FAR1: variants seen among roughly 807,000 people sequenced by gnomAD.
FAR1 encodes the protein male sterility domain-containing protein 2.
A neutral mutation model predicts 61.1 loss-of-function variants in FAR1; 22 were observed. The ratio of observed to expected loss-of-function variants is 0.36; its 90% CI spans 0.26 to 0.51. The LOEUF (loss-of-function observed/expected upper bound fraction) is 0.51, where lower values mean the gene tolerates loss of function less well. Among genes scored for constraint, FAR1 ranks in the 20% least tolerant of loss-of-function variants. The probability of loss-of-function intolerance (pLI) is 0.95; values close to 1 mark genes in which losing one functional copy is unlikely to be tolerated. For synonymous variants in FAR1, 206 were observed against 209.7 expected (o/e 0.98, Z 0.15); for missense variants, 359 against 626.9 (o/e 0.57, Z 4.56).
At chr11:13,678,146 ATAC>A (rs2134168254) in intron 1 of FAR1, among the ~76,000 whole-genome samples, 2 of 152,360 alleles carry the variant, frequency 1.3e-5, no homozygotes, top group East Asian at 3.9e-4. Flanking sequence ...GCAACTGGAT[ATAC>A]TAGTGGAATA....
At chr11:13,693,360 TTTTG>T (rs1156560521) in intron 1 of FAR1, among the ~76,000 whole-genome samples, 2 of 145,008 alleles carry the variant, frequency 1.4e-5, no homozygotes, top group Admixed American at 6.7e-5. Context: ...TGCTTTTTTC[TTTTG>T]TTTGTTTTTG....
Position 13,707,930 on chromosome 11 carries a change from G to C in FAR1, c.396G>C (p.Thr132=). The change falls in exon 4 of 12, where the codon ACG becomes ACC. Residue 132 remains threonine, a synonymous_variant. Transcript: ENST00000354817. ...CTGTTCAGTTAAATGTGATTGCAAC[G>C]CGACAGCTTATTCTCCTTGCACAAC... ...RDAVQLNVIA[T]RQLILLAQQM... 1 of 1,586,470 alleles carries C rather than the reference G, an allele frequency of 6.3e-7. No individual in the cohort carries two copies. Among genetic ancestry groups the C allele is most frequent in the Middle Eastern group, 1.7e-4 (1 of 5,972 alleles).
At chr11:13,727,125 G>A (rs933857913) in intron 10 of FAR1, among the ~76,000 whole-genome samples, 4 of 151,856 alleles carry the variant, frequency 2.6e-5, no homozygotes, top group Non-Finnish European at 5.9e-5. Context: ...TTTTCATAAC[G>A]CATCTTGATG....
intron 10 of FAR1, among the ~76,000 whole-genome samples, chr11:13,723,696 A>T (rs1591272990): frequency 6.6e-6 from 1 of 152,112 alleles, no homozygotes; most frequent in Non-Finnish European, 1.5e-5. Flanking sequence ...TGTATGTTAG[A>T]TTATTCTGTT....
chr11:13,674,771 A>C (rs1848047724), intron 1 of FAR1, among the ~76,000 whole-genome samples: 1 of 152,232 alleles, frequency 6.6e-6, no homozygotes, highest in African/African-American at 2.4e-5. Flanking sequence ...AAGATGTTGA[A>C]GTTTCATTGA....
At chr11:13,701,508 GA>G (rs1848374460) in intron 3 of FAR1, among the ~76,000 whole-genome samples, 1 of 152,078 alleles carries the variant, frequency 6.6e-6, no homozygotes, top group Non-Finnish European at 1.5e-5. Flanking sequence ...GCAACATAAT[GA>G]GACCCTGTCT....
At position 13,694,919 on chromosome 11, in the gene FAR1, C is replaced by T. The variant is rs1848291225; in HGVS notation, c.154C>T (p.Pro52Ser). The T allele has an allele frequency of 6.2e-7, 1 of 1,613,086 alleles. No homozygotes were observed. Among genetic ancestry groups the T allele is most frequent in the African/African-American group, 1.3e-5 (1 of 74,846 alleles). The change falls in exon 2 of 12, where the codon CCA (proline) becomes TCA (serine). Residue 52 changes from proline (P) to serine (S), a missense_variant. By Grantham distance (74) the Pro-to-Ser change is moderately conservative (BLOSUM62 -1). Coordinates refer to ENST00000354817, the MANE Select transcript of FAR1 (RefSeq NM_032228.6). Reference sequence around the variant, plus strand: ...GGTGAGGCAGAAAGCTGGACAGACACCACAAGAGCGAGTGGAAGAAGTCCT... The same window carrying T: ...GGTGAGGCAGAAAGCTGGACAGACATCACAAGAGCGAGTGGAAGAAGTCCT... Reference protein sequence around the residue: ...VLVRQKAGQTPQERVEEVLSG... With the variant: ...VLVRQKAGQTSQERVEEVLSG...
chr11:13,722,858 C>CTATATA (rs71041542), intron 10 of FAR1, among the ~76,000 whole-genome samples: 5 of 147,812 alleles, frequency 3.4e-5, no homozygotes, highest in African/African-American at 1.3e-4. Flanking sequence ...CTCTCTCTCT[C>CTATATA]TATATATATA....
intron 8 of FAR1, 107 bp from the exon 9 acceptor site, chr11:13,714,402 C>CT: frequency 8.7e-7 from 1 of 1,147,814 alleles, no homozygotes; most frequent in Non-Finnish European, 1.2e-6. Context: ...TGTACGAACT[C>CT]TGACATCTTT....
At chr11:13,707,218 A>G (rs898169783) in intron 3 of FAR1, among the ~76,000 whole-genome samples, 3 of 152,128 alleles carry the variant, frequency 2.0e-5, no homozygotes, top group African/African-American at 7.2e-5. Context: ...CTGCATATAT[A>G]CTTTTGCTTT....
chr11:13,713,211 C>T, intron 8 of FAR1, 178 bp downstream of exon 8: 1 of 610,008 alleles, frequency 1.6e-6, no homozygotes, highest in Non-Finnish European at 2.9e-6. Context: ...AATAATGTTT[C>T]ACAAATTTAA....
intron 1 of FAR1, among the ~76,000 whole-genome samples, chr11:13,682,177 C>A (rs1054677106): frequency 3.9e-5 from 6 of 152,130 alleles, no homozygotes; most frequent in Non-Finnish European, 7.3e-5. Context: ...TTGTTTTGTT[C>A]ATGAAGATAT....
chr11:13,719,432 C>G (rs1296946653), intron 9 of FAR1, among the ~76,000 whole-genome samples: 1 of 152,016 alleles, frequency 6.6e-6, no homozygotes, highest in Non-Finnish European at 1.5e-5. Flanking sequence ...GACTTTACAC[C>G]TTATATTGGG....
intron 1 of FAR1, among the ~76,000 whole-genome samples, chr11:13,691,644 G>T (rs1363838265): frequency 6.6e-6 from 1 of 152,132 alleles, no homozygotes; most frequent in Non-Finnish European, 1.5e-5. Context: ...TTTTGTGTCT[G>T]ACTTCTTTCA....
chr11:13,680,524 C>T (rs1848116252), intron 1 of FAR1, among the ~76,000 whole-genome samples: 1 of 152,122 alleles, frequency 6.6e-6, no homozygotes, highest in African/African-American at 2.4e-5. Flanking sequence ...GTACAAGAAG[C>T]ACGGCATCAG....
At position 13,721,534 on chromosome 11, in the gene FAR1, C is replaced by T. The variant is rs1848609727; in HGVS notation, c.1128-196C>T. 1 of 472,086 alleles carries T rather than the reference C, an allele frequency of 2.1e-6. No homozygotes were observed. Among genetic ancestry groups the T allele is most frequent in the Non-Finnish European group, 3.6e-6 (1 of 275,046 alleles). The allele number at this position is 472,086 out of a possible 1,614,324, so 29.2% of individuals were successfully genotyped here. ...CTGCTTTCAAAAAAAATTTGTTTTC[C>T]TTTTGGATTTATAAATTGTTCATCC... On this transcript the variant is annotated intron_variant, in intron 9 of 11. Coordinates refer to ENST00000354817, the MANE Select transcript of FAR1 (RefSeq NM_032228.6). The surrounding 1 kb of genome is among the most constrained non-coding windows in gnomAD (Gnocchi z 4.2).
intron 3 of FAR1, among the ~76,000 whole-genome samples, chr11:13,707,343 T>TTG (rs1224938641): frequency 6.6e-6 from 1 of 152,158 alleles, no homozygotes; most frequent in African/African-American, 2.4e-5. Context: ...CCTTTGAATT[T>TTG]TGTAGGGTAG....
intron 9 of FAR1, among the ~76,000 whole-genome samples, chr11:13,719,556 C>A (rs1363715020): frequency 6.6e-6 from 1 of 152,044 alleles, no homozygotes; most frequent in Non-Finnish European, 1.5e-5. Flanking sequence ...AGCATCTGAC[C>A]TGACATTTTT....
chr11:13,724,549 C>A (rs1848649476), intron 10 of FAR1, among the ~76,000 whole-genome samples: 1 of 103,378 alleles, frequency 9.7e-6, no homozygotes, highest in African/African-American at 3.8e-5. Context: ...GACTCCGCCT[C>A]AAAAAAAAAA....
Sources: gnomAD v4.1 joint callset for allele counts (sites outside exome capture counted in the v4.1 genomes callset) on GRCh38, gnomAD v4.1.1 for gene constraint, Gnocchi (gnomAD v3.1) non-coding constraint, MANE v1.5 for transcripts, NCBI Gene and HGNC (gene_info 2026-07-23, HGNC 2026-07-21) for gene names.